Variants in CHPT1 observed in about 807,000 individuals in gnomAD.
The protein encoded by CHPT1 is choline phosphotransferase 1, also known as cholinephosphotransferase 1.
A neutral mutation model predicts 47.6 loss-of-function variants in CHPT1; 36 were observed. That is an observed-to-expected ratio of 0.76 (90% CI 0.58 to 1.00). CHPT1 has a LOEUF of 1.00. Among genes scored for constraint, CHPT1 ranks in the 50% least tolerant of loss-of-function variants. CHPT1 has a pLI of 0.00. For synonymous variants in CHPT1, 194 were observed against 186.3 expected, an observed-to-expected ratio of 1.04 and a Z score of -0.33; for missense variants, 458 against 498.1, an observed-to-expected ratio of 0.92 and a Z score of 0.77.
Position 101,698,047 on chromosome 12 carries a change from C to G in CHPT1, c.186C>G (p.Ala62=), listed in dbSNP as rs755116612. ...WLLQWIPLWM[A]PNSITLLGLA... ...TCCAGTGGATCCCGCTCTGGATGGCCCCCAACTCCATCACCCTGCTGGGGC... is the reference window on the plus strand; with the variant it reads ...TCCAGTGGATCCCGCTCTGGATGGCGCCCAACTCCATCACCCTGCTGGGGC... The change falls in exon 1 of 9, where the codon GCC becomes GCG. Residue 62 remains alanine, a synonymous_variant. Coordinates refer to ENST00000229266, the MANE Select transcript of CHPT1 (RefSeq NM_020244.3). The G allele has an allele frequency of 3.8e-6, 6 of 1,578,328 alleles. No homozygotes were observed. The highest frequency in any genetic ancestry group is 5.1e-6 in the Non-Finnish European group (6 of 1,170,672).
In CHPT1 at chr12:101,724,754, A is replaced by ATCGATAT. The variant is rs1951914271; in HGVS notation, c.1065+908_1065+909insCGATATT. 2.0e-5 allele frequency among the ~76,000 whole-genome samples: 3 copies of ATCGATAT among 151,758 alleles called. No homozygotes were observed. The South Asian group carries it at 6.2e-4, about 31-fold the overall frequency. On this transcript the variant is annotated intron_variant, in intron 7 of 8. Coordinates refer to ENST00000229266, the MANE Select transcript of CHPT1 (RefSeq NM_020244.3). Reference sequence around the variant, plus strand: ...TGCTTAAGGAAACGACGTGGATGACATAATTTCTATTCAAAATGATTATAA... The same window carrying ATCGATAT: ...TGCTTAAGGAAACGACGTGGATGACATCGATATTAATTTCTATTCAAAATGATTATAA...
At chr12:101,707,966 T>G (rs577258815) in intron 1 of CHPT1, among the ~76,000 whole-genome samples, 2 of 152,178 alleles carry the variant, frequency 1.3e-5, no homozygotes, top group Non-Finnish European at 2.9e-5. Flanking sequence ...TTGTCAGAGG[T>G]GCAGTTCACC....
rs138929814 is a variant in CHPT1, at chr12:101,717,639, G to T, written c.648+827G>T. Reference sequence around the variant, plus strand: ...TAATTTGTCCAAGGACACATGAGAAGTGCTGGAGCTAGGAATTAAACAGAC... The same window carrying T: ...TAATTTGTCCAAGGACACATGAGAATTGCTGGAGCTAGGAATTAAACAGAC... On this transcript the variant is annotated intron_variant, in intron 4 of 8. Coordinates refer to ENST00000229266, the MANE Select transcript of CHPT1 (RefSeq NM_020244.3). 7.1e-3 allele frequency among the ~76,000 whole-genome samples: 1,077 copies of T among 152,208 alleles called. 9 individuals are homozygous for T. The highest frequency in any genetic ancestry group is 0.011 in the Admixed American group (168 of 15,292).
chr12:101,714,362 G>T (rs1355921558), intron 2 of CHPT1, 125 bp downstream of exon 2: 2 of 1,186,970 alleles, frequency 1.7e-6, no homozygotes, highest in Non-Finnish European at 2.3e-6. Flanking sequence ...TAAAAAGTAT[G>T]TCAAGAATTC....
chr12:101,728,202 AT>A (rs1952016536), intron 8 of CHPT1: 1 of 152,398 alleles, frequency 6.6e-6, no homozygotes, highest in African/African-American at 2.4e-5. Context: ...GTGAGCTGAG[AT>A]TACTCCACTG....
In CHPT1 at chr12:101,723,803, T is replaced by C. The variant is rs79716906; in HGVS notation, c.1021T>C (p.Phe341Leu). 4,110 of 1,544,868 alleles carry C rather than the reference T, an allele frequency of 2.7e-3. 77 individuals are homozygous for C. The East Asian group carries it at 0.055, about 21-fold the overall frequency. The change falls in exon 7 of 9, where the codon TTT becomes CTT. Residue 341 changes from phenylalanine to leucine, a missense_variant. Phe to Leu is a conservative substitution (Grantham distance 22, BLOSUM62 0). Transcript: ENST00000229266. ...GPGLLFLDQY[F>L]NNFIDEYVVL... ...AGGTCTTTTGTTTTTAGACCAGTAC[T>C]TTAATAACTTTATAGACGAATATGT...
intron 8 of CHPT1, chr12:101,727,562 GAA>G (rs1951989199): frequency 6.7e-6 from 1 of 150,154 alleles, no homozygotes; most frequent in South Asian, 2.1e-4. Flanking sequence ...GTATATTGAA[GAA>G]AACAGTGAAA....
At chr12:101,721,334 A>G (rs1303394024) in intron 5 of CHPT1, among the ~76,000 whole-genome samples, 1 of 152,142 alleles carries the variant, frequency 6.6e-6, no homozygotes, top group Non-Finnish European at 1.5e-5. Context: ...ACTATAGCAT[A>G]TTCACTTTAA....
chr12:101,720,190 C>T lies in CHPT1; in HGVS notation c.716C>T (p.Ser239Phe). The change falls in exon 5 of 9, where the codon TCC becomes TTC. Residue 239 changes from serine (S) to phenylalanine (F), a missense_variant. By Grantham distance (155) the Ser-to-Phe change is radical (BLOSUM62 -2). Coordinates refer to ENST00000229266, the MANE Select transcript of CHPT1 (RefSeq NM_020244.3). ...GGATTTCTAGGTGGAGTAATATTTT[C>T]CTGTTCAAATTATTTCCATGTTATC... ...VLGFLGGVIF[S>F]CSNYFHVILH... is the part of the protein sequence containing the mutation. 1 of 1,601,580 alleles carries T rather than the reference C, an allele frequency of 6.2e-7. No individual in the cohort carries two copies. Among genetic ancestry groups the T allele is most frequent in the Non-Finnish European group, 8.5e-7 (1 of 1,172,616 alleles).
At position 101,698,116 on chromosome 12, in the gene CHPT1, T is replaced by C. The variant is rs1175015580; in HGVS notation, c.255T>C (p.Cys85=). The change falls in exon 1 of 9, where the codon TGT becomes TGC. Residue 85 remains cysteine, a synonymous_variant. Coordinates refer to ENST00000229266, the MANE Select transcript of CHPT1 (RefSeq NM_020244.3). ...VVTTLVLISY[C]PTATEEAPYW... ...CCACGCTCGTGCTCATCTCCTACTG[T>C]CCCACGGCCACCGAAGAGGTAGGGC... The C allele has an allele frequency of 3.3e-6, 5 of 1,535,812 alleles. No individual in the cohort carries two copies. Among genetic ancestry groups the C allele is most frequent in the South Asian group, 1.2e-5 (1 of 83,276 alleles).
At chr12:101,727,314 A>C (rs1314961973) in intron 8 of CHPT1, 1 of 152,204 alleles carries the variant, frequency 6.6e-6, no homozygotes, top group African/African-American at 2.4e-5. Flanking sequence ...CACTAAGTAC[A>C]TTAGGTACTG....
intron 4 of CHPT1, among the ~76,000 whole-genome samples, chr12:101,719,153 C>CCAG (rs1951809219): frequency 5.3e-5 from 1 of 19,046 alleles, no homozygotes; most frequent in Non-Finnish European, 8.2e-5. Flanking sequence ...AGACTCGTCT[C>CCAG]AAGAAAAAAA....
In CHPT1 at chr12:101,712,215, T is replaced by C. The variant is rs140895116; in HGVS notation, c.274-1875T>C. ...TTTTATATCTTTTGTAGAGATGGGG[T>C]TCACCATGTTGCCCAGGCTGGTCTT... On this transcript the variant is annotated intron_variant, in intron 1 of 8. Coordinates refer to ENST00000229266, the MANE Select transcript of CHPT1 (RefSeq NM_020244.3). Among the ~76,000 whole-genome samples the C allele has an allele frequency of 4.1e-5, 6 of 147,788 alleles. 1 individual carries two copies. Among genetic ancestry groups the C allele is most frequent in the Middle Eastern group, 7.2e-3 (2 of 276 alleles).
At chr12:101,711,985 C>G (rs1280142445) in intron 1 of CHPT1, among the ~76,000 whole-genome samples, 5 of 148,472 alleles carry the variant, frequency 3.4e-5, no homozygotes, top group African/African-American at 1.2e-4. Context: ...CCAAGATAAA[C>G]TTTTAAGAAC....
intron 2 of CHPT1, 21 bp downstream of exon 2, chr12:101,714,258 A>T (rs1951733116): frequency 6.5e-7 from 1 of 1,538,742 alleles, no homozygotes; most frequent in East Asian, 2.3e-5. Flanking sequence ...GGAGTTTTTT[A>T]TTTTTTTATG....
intron 5 of CHPT1, 75 bp downstream of exon 5, chr12:101,720,329 A>G: frequency 1.5e-6 from 2 of 1,295,788 alleles, no homozygotes; most frequent in Non-Finnish European, 2.2e-6. Flanking sequence ...AAAGATTAAA[A>G]TATGCCAAAG....
At chr12:101,700,209 TAGAA>T (rs1314609765) in intron 1 of CHPT1, among the ~76,000 whole-genome samples, 8 of 151,776 alleles carry the variant, frequency 5.3e-5, no homozygotes, top group African/African-American at 1.7e-4. Context: ...GTTGAACACT[TAGAA>T]AGAGCAGGGC....
chr12:101,699,710 C>T (rs1162695754), intron 1 of CHPT1, among the ~76,000 whole-genome samples: 2 of 152,166 alleles, frequency 1.3e-5, no homozygotes, highest in East Asian at 1.9e-4. Context: ...TCTTAATAGA[C>T]ATTCCCATTG....
At chr12:101,722,414 AATATTTTATTTAGG>A (rs1209511915) in intron 5 of CHPT1, among the ~76,000 whole-genome samples, 1 of 152,142 alleles carries the variant, frequency 6.6e-6, no homozygotes, top group Non-Finnish European at 1.5e-5. Context: ...AATTTATTTC[AATATTTTATTTAGG>A]ATAAGCAGTG....
Sources: allele counts gnomAD v4.1 joint callset (sites outside exome capture counted in the v4.1 genomes callset), GRCh38; gene constraint gnomAD v4.1.1; transcripts MANE v1.5; gene names NCBI Gene and HGNC (gene_info 2026-07-23, HGNC 2026-07-21).